PLA2G5: variants seen among roughly 807,000 people sequenced by gnomAD.
PLA2G5 encodes the protein phospholipase A2 group V.
Under a neutral mutation model 15.9 loss-of-function variants are expected in PLA2G5, and 12 were observed. The ratio of observed to expected loss-of-function variants is 0.76; its 90% CI spans 0.48 to 1.23. The LOEUF (loss-of-function observed/expected upper bound fraction) is 1.23, where lower values mean the gene tolerates loss of function less well. Ranked by LOEUF, PLA2G5 falls within the 50% of genes most tolerant of loss-of-function variation. The probability of loss-of-function intolerance (pLI) is 0.00; values close to 1 mark genes in which losing one functional copy is unlikely to be tolerated. For synonymous variants in PLA2G5, 71 were observed against 71.4 expected, an observed-to-expected ratio of 0.99 and a Z score of 0.03; for missense variants, 169 against 177.1, an observed-to-expected ratio of 0.95 and a Z score of 0.26.
chr1:20,040,820 C>A (rs2013547464), intron 1 of PLA2G5, among the ~76,000 whole-genome samples: 2 of 152,210 alleles, frequency 1.3e-5, no homozygotes. Flanking sequence ...AAATGTGTAT[C>A]TGATTGCATC....
At chr1:20,043,524 G>T (rs1459349448) in intron 1 of PLA2G5, among the ~76,000 whole-genome samples, 1 of 152,126 alleles carries the variant, frequency 6.6e-6, no homozygotes, top group Non-Finnish European at 1.5e-5. Flanking sequence ...TCCCATATCT[G>T]TGGGTTAAGG....
chr1:20,029,394 G>GAC (rs2012772130), intron 1 of PLA2G5, among the ~76,000 whole-genome samples: 1 of 151,990 alleles, frequency 6.6e-6, no homozygotes. Context: ...TTCCTCCGCT[G>GAC]ATATGTTCCT....
chr1:20,073,908 G>A (rs2015524190), intron 1 of PLA2G5, among the ~76,000 whole-genome samples: 1 of 151,982 alleles, frequency 6.6e-6, no homozygotes, highest in Non-Finnish European at 1.5e-5. Flanking sequence ...TCTGCTACCT[G>A]CTAATAATAT....
At chr1:20,031,600 C>A (rs1217886690) in intron 1 of PLA2G5, among the ~76,000 whole-genome samples, 1 of 143,138 alleles carries the variant, frequency 7.0e-6, no homozygotes, top group Admixed American at 7.1e-5. Context: ...CCTGGATTGG[C>A]AACTTCTGGA....
chr1:20,036,756 C>T (rs2013271022), intron 1 of PLA2G5, among the ~76,000 whole-genome samples: 1 of 152,190 alleles, frequency 6.6e-6, no homozygotes, highest in South Asian at 2.1e-4. Flanking sequence ...ACCTCTGCCT[C>T]CTGGGTTCAA....
chr1:20,074,477 C>A (rs2015562549), intron 1 of PLA2G5, among the ~76,000 whole-genome samples: 1 of 152,090 alleles, frequency 6.6e-6, no homozygotes, highest in African/African-American at 2.4e-5. Flanking sequence ...AGGATAGAAC[C>A]GAGGCTTCAT....
intron 4 of PLA2G5, 22 bp from the exon 5 acceptor site, chr1:20,090,546 T>G: frequency 1.2e-6 from 2 of 1,614,006 alleles, no homozygotes; most frequent in African/African-American, 1.3e-5. Flanking sequence ...ACCCTCATTC[T>G]GCTCTTGGTG....
At chr1:20,068,391 A>G (rs1367341363), upstream of PLA2G5, among the ~76,000 whole-genome samples, 3 of 152,256 alleles carry the variant, frequency 2.0e-5, no homozygotes. Flanking sequence ...AGGACTTTGC[A>G]AACAAGGTAC....
At chr1:20,048,822 A>G (rs2014044369) in intron 1 of PLA2G5, among the ~76,000 whole-genome samples, 2 of 152,236 alleles carry the variant, frequency 1.3e-5, no homozygotes, top group Non-Finnish European at 2.9e-5. Context: ...TAAAATAATT[A>G]GGTAAGTGTA....
At chr1:20,053,571 G>GC (rs2014280247) in intron 1 of PLA2G5, among the ~76,000 whole-genome samples, 1 of 21,718 alleles carries the variant, frequency 4.6e-5, no homozygotes, top group Admixed American at 4.3e-4. Flanking sequence ...ATTACTTTGC[G>GC]GGGGGGGGGG....
intron 1 of PLA2G5, among the ~76,000 whole-genome samples, chr1:20,035,188 G>A (rs1322819683): frequency 2.0e-5 from 3 of 152,118 alleles, no homozygotes; most frequent in Non-Finnish European, 4.4e-5. Context: ...AGCAAATCCA[G>A]GCTTTATGTC....
At chr1:20,040,008 C>A (rs1569640912) in intron 1 of PLA2G5, among the ~76,000 whole-genome samples, 2 of 152,262 alleles carry the variant, frequency 1.3e-5, no homozygotes, top group African/African-American at 4.8e-5. Context: ...TGTTTTGAGT[C>A]TTCTTTCTAC....
chr1:20,084,460 T>G (rs2016186494), intron 1 of PLA2G5, among the ~76,000 whole-genome samples: 1 of 152,206 alleles, frequency 6.6e-6, no homozygotes, highest in South Asian at 2.1e-4. Context: ...CTAGGTTATA[T>G]CAAGTCCTGC....
chr1:20,034,546 G>C (rs1484458077), intron 1 of PLA2G5, among the ~76,000 whole-genome samples: 1 of 152,154 alleles, frequency 6.6e-6, no homozygotes, highest in East Asian at 1.9e-4. Flanking sequence ...CAGGATAGGA[G>C]TGTTGTGGGG....
chr1:20,084,669 C>T (rs915048001), intron 1 of PLA2G5, among the ~76,000 whole-genome samples, 152 bp from the exon 2 acceptor site: 5 of 152,112 alleles, frequency 3.3e-5, no homozygotes, highest in Non-Finnish European at 7.3e-5. Context: ...CAGTTTTTTG[C>T]CTCATCTTTT....
chr1:20,086,316 T>C, intron 3 of PLA2G5, 89 bp downstream of exon 3: 1 of 1,361,136 alleles, frequency 7.3e-7, no homozygotes, highest in South Asian at 1.3e-5. Context: ...GGAAGATGAG[T>C]ATTAAAGTAC....
intron 1 of PLA2G5, among the ~76,000 whole-genome samples, chr1:20,032,230 C>T (rs181520778): frequency 3.7e-4 from 57 of 152,218 alleles, no homozygotes; most frequent in African/African-American, 9.9e-4. Flanking sequence ...TTAGAGTCTT[C>T]GCTAGCTATT....
At chr1:20,073,133 AG>A (rs1412969837) in intron 1 of PLA2G5, among the ~76,000 whole-genome samples, 1 of 152,210 alleles carries the variant, frequency 6.6e-6, no homozygotes, top group Non-Finnish European at 1.5e-5. Flanking sequence ...CCTCAAAAAA[AG>A]AAGGGACATT....
At chr1:20,031,975 G>C (rs1466272424) in intron 1 of PLA2G5, among the ~76,000 whole-genome samples, 3 of 152,074 alleles carry the variant, frequency 2.0e-5, no homozygotes, top group Admixed American at 6.6e-5. Context: ...GGTATAGAAG[G>C]GGGAGGAGAA....
Sources: gnomAD v4.1 joint callset for allele counts (sites outside exome capture counted in the v4.1 genomes callset) on GRCh38, gnomAD v4.1.1 for gene constraint, MANE v1.5 for transcripts, NCBI Gene and HGNC (gene_info 2026-07-23, HGNC 2026-07-21) for gene names.